The following PEX10 variants were observed in gnomAD, a reference collection of about 807,000 sequenced individuals.
The protein encoded by PEX10 is peroxisomal biogenesis factor 10, also known as peroxisome biogenesis factor 10.
A neutral mutation model predicts 38.0 loss-of-function variants in PEX10; 32 were observed. The ratio of observed to expected loss-of-function variants is 0.84; its 90% CI spans 0.63 to 1.13. The LOEUF is 1.13. Among genes scored for constraint, PEX10 ranks in the 50% most tolerant of loss-of-function variants. The pLI is 0.00. For synonymous variants in PEX10, 206 were observed against 207.3 expected (o/e 0.99, Z 0.05); for missense variants, 483 against 457.7 (o/e 1.06, Z -0.51).
rs980547078 is a variant in PEX10, at chr1:2,404,062, G to A, written c.*1704C>T. 3 of 152,206 alleles carry A rather than the reference G, an allele frequency of 2.0e-5. No individual in the cohort carries two copies. Among genetic ancestry groups the A allele is most frequent in the African/African-American group, 4.8e-5 (2 of 41,426 alleles). 9.4% of individuals were successfully genotyped at this position (152,206 alleles called of 1,614,324 possible). ...AGCCCACCTTTTGTTTGGCCTTTTC[G>A]AAAGGTGACCCATATTGCACAGCAG... On this transcript the variant is annotated 3_prime_UTR_variant, in exon 6 of 6. Transcript: ENST00000447513.
In PEX10 at chr1:2,410,387, GCCAAAGTAGGCCA is replaced by G; in HGVS notation, c.164_176del (p.Val55AlafsTer38). 1 of 1,614,056 alleles carries G rather than the reference GCCAAAGTAGGCCA, an allele frequency of 6.2e-7. No homozygotes were observed. Among genetic ancestry groups the G allele is most frequent in the Non-Finnish European group, 8.5e-7 (1 of 1,179,940 alleles). On this transcript the variant is annotated frameshift_variant, in exon 2 of 6. Coordinates refer to ENST00000447513, the MANE Select transcript of PEX10 (RefSeq NM_002617.4). LOFTEE classifies it high-confidence loss of function. The surrounding 1 kb of genome is among the most constrained non-coding windows in gnomAD (Gnocchi z 5.1). ...AGCTTCTACCTGCAAGTGTGGTGAG[GCCAAAGTAGGCCA>G]CATCTGAGAGCAGCTCAACCTCCTT... is the stretch of plus-strand genomic sequence containing the variant.
chr1:2,411,444 A>G (rs1405251270), intron 1 of PEX10, among the ~76,000 whole-genome samples: 1 of 151,146 alleles, frequency 6.6e-6, no homozygotes. Flanking sequence ...TGTTGTGTAG[A>G]CTGGTCTCGA....
chr1:2,412,563 A>G lies in PEX10; in HGVS notation c.-61T>C, dbSNP rs1054936421. The G allele has an allele frequency of 3.3e-6, 4 of 1,206,190 alleles. No homozygotes were observed. Among genetic ancestry groups the G allele is most frequent in the Non-Finnish European group, 4.2e-6 (4 of 944,996 alleles). The allele number at this position is 1,206,190 out of a possible 1,614,324, so 74.7% of individuals were successfully genotyped here. On this transcript the variant is annotated 5_prime_UTR_variant, in exon 1 of 6. Transcript: ENST00000447513. ...GGCCACGCCCACGCCCAGACGGGCG[A>G]GAACTGATGACGGCACGACGTGGCT...
Position 2,405,629 on chromosome 1 carries a change from G to C in PEX10, c.*137C>G. On this transcript the variant is annotated 3_prime_UTR_variant, in exon 6 of 6. Coordinates refer to ENST00000447513, the MANE Select transcript of PEX10 (RefSeq NM_002617.4). ...ACAGCTTTCTGTTCTCTCCCAGGGT[G>C]GCTAGGTTAGTATCTTACATGACAA... is the stretch of plus-strand genomic sequence containing the variant. The C allele has an allele frequency of 1.2e-6, 1 of 809,286 alleles. No individual in the cohort carries two copies. The highest frequency in any genetic ancestry group is 2.1e-6 in the Non-Finnish European group (1 of 482,020). The allele number at this position is 809,286 out of a possible 1,614,324, so 50.1% of individuals were successfully genotyped here.
Position 2,408,495 on chromosome 1 carries a change from C to T in PEX10, c.557G>A (p.Gly186Asp). 6.2e-7 allele frequency: 1 copy of T among 1,612,988 alleles called. No homozygotes were observed. The highest frequency in any genetic ancestry group is 8.5e-7 in the Non-Finnish European group (1 of 1,180,002). Residue 186 changes from glycine (G) to aspartate (D), a missense_variant, in exon 3 of 6, where the codon GGT becomes GAT. Transcript: ENST00000447513. The stretch of plus-strand genomic sequence containing the variant: ...CCTCTTGGCCAGGTGGTAGAAGACA[C>T]CGTGGATGTAAAACCAGGCAACATG... ...RLHVAWFYIH[G>D]VFYHLAKRLT...
Position 2,405,560 on chromosome 1 carries a change from T to A in PEX10, c.*206A>T. ...CCAGGTTGGGGTTAGGGAAATGTTC[T>A]GGGTTCAGGCGCCCCTCCCAGGGCT... On this transcript the variant is annotated 3_prime_UTR_variant, in exon 6 of 6. Transcript: ENST00000447513. The A allele has an allele frequency of 1.5e-6, 1 of 681,216 alleles. No individual in the cohort carries two copies. Among genetic ancestry groups the A allele is most frequent in the Non-Finnish European group, 2.7e-6 (1 of 372,622 alleles). The allele number at this position is 681,216 out of a possible 1,614,324, so 42.2% of individuals were successfully genotyped here. A position where few individuals can be genotyped will look rare whatever the true frequency, so the allele number is the denominator to read the frequency against.
rs1307263764 is a variant in PEX10 at position 2,410,560 on chromosome 1, C to T, written c.113-109G>A. On this transcript the variant is annotated intron_variant, in intron 1 of 5. Coordinates refer to ENST00000447513, the MANE Select transcript of PEX10 (RefSeq NM_002617.4). The surrounding 1 kb of genome is among the most constrained non-coding windows in gnomAD (Gnocchi z 5.1). ...AGGCCCAGATCCAGTCCCACCCCTT[C>T]CATGAAGCCAACACTCACTCCCTGG... The T allele has an allele frequency of 3.2e-6, 3 of 923,630 alleles. No individual in the cohort carries two copies. The highest frequency in any genetic ancestry group is 5.1e-6 in the Non-Finnish European group (3 of 584,380). 57.2% of individuals were successfully genotyped at this position (923,630 alleles called of 1,614,324 possible).
chr1:2,411,789 C>T (rs1040213102), intron 1 of PEX10, among the ~76,000 whole-genome samples: 2 of 152,240 alleles, frequency 1.3e-5, no homozygotes, highest in African/African-American at 4.8e-5. Flanking sequence ...CCTCCCGCCT[C>T]TGCCTCCCAA....
intron 3 of PEX10, among the ~76,000 whole-genome samples, chr1:2,407,243 G>A (rs1439002161): frequency 6.6e-6 from 1 of 152,218 alleles, no homozygotes; most frequent in African/African-American, 2.4e-5. Flanking sequence ...TGGGGCTGCA[G>A]ACGCTGCCCA....
At position 2,408,524 on chromosome 1, in the gene PEX10, C is replaced by G. The variant is rs1321961893; in HGVS notation, c.528G>C (p.Arg176=). ...VLRQGLACLQ[R]LHVAWFYIHG... is the part of the protein sequence containing the mutation. ...GGATGTAAAACCAGGCAACATGTAG[C>G]CGCTGGAGGCAGGCGAGGCCCTGTC... is the stretch of plus-strand genomic sequence containing the variant. Residue 176 remains arginine, a synonymous_variant, in exon 3 of 6, where the codon CGG becomes CGC. Transcript: ENST00000447513. 6.2e-7 allele frequency: 1 copy of G among 1,612,768 alleles called. No individual in the cohort carries two copies. Among genetic ancestry groups the G allele is most frequent in the African/African-American group, 1.3e-5 (1 of 74,946 alleles).
At chr1:2,411,209 C>T (rs569825475) in intron 1 of PEX10, among the ~76,000 whole-genome samples, 2 of 150,332 alleles carry the variant, frequency 1.3e-5, no homozygotes, top group Middle Eastern at 3.5e-3. Context: ...GCCCCACCCC[C>T]CAAAGACTTG....
chr1:2,411,211 A>G (rs1382059660), intron 1 of PEX10, among the ~76,000 whole-genome samples: 3 of 146,226 alleles, frequency 2.1e-5, no homozygotes, highest in Non-Finnish European at 3.0e-5. Flanking sequence ...CCCACCCCCC[A>G]AAGACTTGAT....
intron 1 of PEX10, among the ~76,000 whole-genome samples, chr1:2,411,658 C>T (rs1261923888): frequency 6.6e-6 from 1 of 152,166 alleles, no homozygotes; most frequent in African/African-American, 2.4e-5. Context: ...CTTGCCTCAG[C>T]CTCCTGAAGA....
At chr1:2,411,382 G>C (rs1258980291) in intron 1 of PEX10, among the ~76,000 whole-genome samples, 1 of 151,604 alleles carries the variant, frequency 6.6e-6, no homozygotes, top group African/African-American at 2.4e-5. Context: ...ACACGCACGC[G>C]CCACCACGCC....
rs2100429976 is a variant in PEX10, at chr1:2,408,797, A to G, written c.255T>C (p.His85=). 5 of 1,614,040 alleles carry G rather than the reference A, an allele frequency of 3.1e-6. No homozygotes were observed. Among genetic ancestry groups the G allele is most frequent in the South Asian group, 1.1e-5 (1 of 91,086 alleles). ...CGCCACGGCGCAGCGAGGAGGGCAC[A>G]TGTATCCGCGATGGGTCCACCTGGA... ...SIIQVDPSRI[H]VPSSLRRGVL... is the part of the protein sequence containing the mutation. Residue 85 remains histidine (H), a synonymous_variant, in exon 3 of 6, where the codon CAT becomes CAC. Coordinates refer to ENST00000447513, the MANE Select transcript of PEX10 (RefSeq NM_002617.4).
At position 2,408,966 on chromosome 1, in the gene PEX10, C is replaced by T. The variant is rs969750941; in HGVS notation, c.194-108G>A. The T allele has an allele frequency of 7.3e-6, 8 of 1,093,346 alleles. No homozygotes were observed. The South Asian group carries it at 7.9e-5, about 11-fold the overall frequency. The allele number at this position is 1,093,346 out of a possible 1,614,324, so 67.7% of individuals were successfully genotyped here. Reference sequence around the variant, plus strand: ...TGCTGGCTCCTGTCAACAGCCCCATCTTGTCGCCCTTGAGCCCACTGTCAC... The same window carrying T: ...TGCTGGCTCCTGTCAACAGCCCCATTTTGTCGCCCTTGAGCCCACTGTCAC... On this transcript the variant is annotated intron_variant, in intron 2 of 5. Coordinates refer to ENST00000447513, the MANE Select transcript of PEX10 (RefSeq NM_002617.4).
At position 2,405,171 on chromosome 1, in the gene PEX10, C is replaced by T. The variant is rs72924937; in HGVS notation, c.*595G>A. 551 of 179,564 alleles carry T rather than the reference C, an allele frequency of 3.1e-3. 5 individuals are homozygous for T. Among genetic ancestry groups the T allele is most frequent in the African/African-American group, 0.012 (509 of 41,952 alleles). 11.1% of individuals were successfully genotyped at this position (179,564 alleles called of 1,614,324 possible). On this transcript the variant is annotated 3_prime_UTR_variant, in exon 6 of 6. Coordinates refer to ENST00000447513, the MANE Select transcript of PEX10 (RefSeq NM_002617.4). The stretch of plus-strand genomic sequence containing the variant: ...AGGTGTGTGTGCCAAATGCTTCCGA[C>T]GGAGGTGCTGGCCTTGGTTGGTTTC...
In PEX10 at chr1:2,410,492, C is replaced by G; in HGVS notation, c.113-41G>C. The G allele has an allele frequency of 6.3e-7, 1 of 1,580,462 alleles. No homozygotes were observed. Among genetic ancestry groups the G allele is most frequent in the South Asian group, 1.1e-5 (1 of 89,568 alleles). ...GTATTAGTCCGGGGGAGCTGGTGGGCATCCTCTGAGGATGAGGGACCACAG... is the reference window on the plus strand; with the variant it reads ...GTATTAGTCCGGGGGAGCTGGTGGGGATCCTCTGAGGATGAGGGACCACAG... On this transcript the variant is annotated intron_variant, in intron 1 of 5. Coordinates refer to ENST00000447513, the MANE Select transcript of PEX10 (RefSeq NM_002617.4). This position sits in a 1 kb window ranked among gnomAD's most constrained non-coding sequence, Gnocchi z 5.1.
intron 1 of PEX10, among the ~76,000 whole-genome samples, chr1:2,411,572 C>T (rs1422256203): frequency 6.6e-6 from 1 of 151,496 alleles, no homozygotes; most frequent in Non-Finnish European, 1.5e-5. Flanking sequence ...TGGGGTCTGG[C>T]CCCGTCGCCC....
Sources: gnomAD v4.1 joint callset for allele counts (sites outside exome capture counted in the v4.1 genomes callset) on GRCh38, gnomAD v4.1.1 for gene constraint, Gnocchi (gnomAD v3.1) non-coding constraint, MANE v1.5 for transcripts, NCBI Gene and HGNC (gene_info 2026-07-23, HGNC 2026-07-21) for gene names.